KCNT2: variants seen among roughly 807,000 people sequenced by gnomAD.
The protein encoded by KCNT2 is potassium sodium-activated channel subfamily T member 2, also known as potassium channel subfamily T member 2.
Under a neutral mutation model 153.8 loss-of-function variants are expected in KCNT2, and 67 were observed. That is an observed-to-expected ratio of 0.44 (90% CI 0.36 to 0.53). The LOEUF is 0.53. Among genes scored for constraint, KCNT2 ranks in the 20% least tolerant of loss-of-function variants. The pLI, the probability that KCNT2 is intolerant of heterozygous loss-of-function variation, is 0.00. For synonymous variants in KCNT2, 500 were observed against 458.8 expected (o/e 1.09, Z -1.15); for missense variants, 975 against 1,354.8 (o/e 0.72, Z 4.40).
Position 196,452,005 on chromosome 1 carries a change from A to G in KCNT2, c.638+13288T>C, listed in dbSNP as rs138899956. ...GACAGTTATTAGAATCGGGTAATAG[A>G]CAAGTATTCCCACACAGTATTTGTA... is the stretch of plus-strand genomic sequence containing the variant. On this transcript the variant is annotated intron_variant, in intron 8 of 27. Coordinates refer to ENST00000294725, the MANE Select transcript of KCNT2 (RefSeq NM_198503.5). 3.4e-3 allele frequency among the ~76,000 whole-genome samples: 511 copies of G among 152,080 alleles called. 1 individual carries two copies. The highest frequency in any genetic ancestry group is 7.0e-3 in the Admixed American group (107 of 15,248).
chr1:196,607,295 T>C (rs776235493), intron 1 of KCNT2, among the ~76,000 whole-genome samples: 3 of 152,200 alleles, frequency 2.0e-5, no homozygotes, highest in African/African-American at 4.8e-5. Context: ...TTAGTATACA[T>C]GTATTATTTT....
intron 1 of KCNT2, among the ~76,000 whole-genome samples, chr1:196,524,110 G>A (rs1002271673): frequency 6.6e-6 from 1 of 152,128 alleles, no homozygotes; most frequent in Non-Finnish European, 1.5e-5. Flanking sequence ...AGCTTTATAT[G>A]AAAATGTTGT....
intron 13 of KCNT2, among the ~76,000 whole-genome samples, chr1:196,373,866 CA>C (rs942990645): frequency 2.0e-5 from 3 of 151,578 alleles, no homozygotes; most frequent in African/African-American, 7.3e-5. Flanking sequence ...GTCATAAACC[CA>C]AAAGATGATA....
chr1:196,321,273 T>G (rs1004587832), intron 19 of KCNT2, among the ~76,000 whole-genome samples: 1 of 151,750 alleles, frequency 6.6e-6, no homozygotes, highest in Admixed American at 6.6e-5. Flanking sequence ...GAGAAGCACA[T>G]AGGAGGATGC....
chr1:196,266,672 ATAG>A (rs1385746916), intron 25 of KCNT2, among the ~76,000 whole-genome samples: 1 of 152,184 alleles, frequency 6.6e-6, no homozygotes, highest in African/African-American at 2.4e-5. Context: ...AGAAGGGGTA[ATAG>A]TCACCACTGC....
At chr1:196,278,271 G>A (rs1193524900) in intron 25 of KCNT2, among the ~76,000 whole-genome samples, 2 of 152,020 alleles carry the variant, frequency 1.3e-5, no homozygotes, top group African/African-American at 2.4e-5. Flanking sequence ...AAACATTTAC[G>A]ACAAAATATT....
intron 13 of KCNT2, among the ~76,000 whole-genome samples, chr1:196,397,942 T>C (rs944517309): frequency 1.3e-5 from 2 of 151,520 alleles, no homozygotes; most frequent in Non-Finnish European, 3.0e-5. Context: ...TTAGCGGTTT[T>C]TTTTACAGAA....
chr1:196,398,150 G>C (rs1330359179), intron 13 of KCNT2, among the ~76,000 whole-genome samples: 1 of 151,262 alleles, frequency 6.6e-6, no homozygotes, highest in Non-Finnish European at 1.5e-5. Flanking sequence ...CAATGTATTA[G>C]TCTATTGCAT....
At chr1:196,587,057 A>G (rs1662775808) in intron 1 of KCNT2, among the ~76,000 whole-genome samples, 1 of 152,134 alleles carries the variant, frequency 6.6e-6, no homozygotes, top group South Asian at 2.1e-4. Flanking sequence ...ACTTACTGAA[A>G]TATAGAAAAT....
At chr1:196,373,305 G>A (rs948305736) in intron 13 of KCNT2, 57 bp from the exon 14 acceptor site, 4 of 778,160 alleles carry the variant, frequency 5.1e-6, no homozygotes, top group South Asian at 1.5e-5. Context: ...GTAATAAAAT[G>A]TAAAAAATAA....
intron 13 of KCNT2, among the ~76,000 whole-genome samples, chr1:196,385,386 G>A (rs988474771): frequency 1.3e-5 from 2 of 152,020 alleles, no homozygotes; most frequent in Non-Finnish European, 2.9e-5. Context: ...CATAGAAAAA[G>A]GTACAGTGAA....
chr1:196,280,459 C>A (rs1021588999), intron 25 of KCNT2, among the ~76,000 whole-genome samples: 2 of 152,124 alleles, frequency 1.3e-5, no homozygotes, highest in Non-Finnish European at 2.9e-5. Context: ...GCTTTGCTTC[C>A]TTCAAAATGC....
At chr1:196,545,735 C>G (rs1405650581) in intron 1 of KCNT2, among the ~76,000 whole-genome samples, 1 of 148,788 alleles carries the variant, frequency 6.7e-6, no homozygotes. Context: ...CCCCCCAGCT[C>G]CAGCAACTAT....
intron 20 of KCNT2, among the ~76,000 whole-genome samples, chr1:196,318,465 A>G (rs1662952610): frequency 6.6e-6 from 1 of 151,752 alleles, no homozygotes; most frequent in South Asian, 2.1e-4. Flanking sequence ...AATCCACTTC[A>G]TAGTTTGCAT....
intron 1 of KCNT2, among the ~76,000 whole-genome samples, chr1:196,563,320 T>C (rs899523038): frequency 6.6e-6 from 1 of 151,872 alleles, no homozygotes; most frequent in African/African-American, 2.4e-5. Flanking sequence ...GGTATAATTT[T>C]CATGAGATGT....
intron 5 of KCNT2, among the ~76,000 whole-genome samples, chr1:196,472,074 GC>G (rs1572568562): frequency 6.6e-6 from 1 of 152,182 alleles, no homozygotes; most frequent in East Asian, 1.9e-4. Context: ...TGTCCCTCTG[GC>G]TGGAATATTA....
intron 8 of KCNT2, among the ~76,000 whole-genome samples, chr1:196,461,386 T>C (rs1199103097): frequency 1.3e-5 from 2 of 151,706 alleles, no homozygotes; most frequent in Admixed American, 1.3e-4. Flanking sequence ...AACAGGAAAT[T>C]ATAACATTGA....
At chr1:196,282,966 T>C (rs557338014) in intron 23 of KCNT2, among the ~76,000 whole-genome samples, 1 of 152,126 alleles carries the variant, frequency 6.6e-6, no homozygotes, top group African/African-American at 2.4e-5. Context: ...TTCCTCAGCC[T>C]CCCAAGTAGC....
chr1:196,267,724 C>A (rs1657681157), intron 25 of KCNT2, among the ~76,000 whole-genome samples: 1 of 152,090 alleles, frequency 6.6e-6, no homozygotes, highest in Non-Finnish European at 1.5e-5. Context: ...AAATCAGATG[C>A]CCTGCGCTCA....
Sources: gnomAD v4.1 joint callset for allele counts (sites outside exome capture counted in the v4.1 genomes callset) on GRCh38, gnomAD v4.1.1 for gene constraint, MANE v1.5 for transcripts, NCBI Gene and HGNC (gene_info 2026-07-23, HGNC 2026-07-21) for gene names.